The following ZNF208 variants were observed in gnomAD, a reference collection of about 807,000 sequenced individuals.
The protein encoded by ZNF208 is zinc finger protein 95.
ZNF208 carries 10 observed loss-of-function variants against 12.1 expected under a neutral mutation model. The observed-to-expected ratio is 0.83, with a 90% CI of 0.51 to 1.40. The LOEUF (loss-of-function observed/expected upper bound fraction) is 1.40, where lower values mean the gene tolerates loss of function less well. Ranked by LOEUF, ZNF208 falls within the 40% of genes most tolerant of loss-of-function variation. ZNF208 has a pLI of 0.00. For synonymous variants in ZNF208, 497 were observed against 488.4 expected (o/e 1.02, Z -0.23); for missense variants, 1,652 against 1,485.0 (o/e 1.11, Z -1.85).
intron 4 of ZNF208, among the ~76,000 whole-genome samples, chr19:21,955,438 C>G (rs1305977167): frequency 1.3e-5 from 2 of 152,230 alleles, no homozygotes; most frequent in African/African-American, 4.8e-5. Context: ...AACTTGGTTC[C>G]ATTCTCCCTG....
intron 4 of ZNF208, among the ~76,000 whole-genome samples, chr19:21,956,300 A>AGGCAGTCT (rs1353099348): frequency 6.9e-6 from 1 of 144,388 alleles, no homozygotes; most frequent in Non-Finnish European, 1.5e-5. Flanking sequence ...CCAATTGAGG[A>AGGCAGTCT]GGCAGTCTGT....
chr19:21,943,336 T>C (rs2017521), intron 4 of ZNF208, among the ~76,000 whole-genome samples: 118,509 of 152,134 alleles, frequency 0.78, 46,902 homozygotes, highest in African/African-American at 0.92. Flanking sequence ...AAAAATACAC[T>C]GAACAACAAC....
chr19:21,970,720 T>C lies in ZNF208; in HGVS notation c.*471A>G, dbSNP rs751942588. The C allele has an allele frequency of 1.5e-5, 18 of 1,221,118 alleles. No individual in the cohort carries two copies. The highest frequency in any genetic ancestry group is 3.6e-5 in the South Asian group (3 of 82,834). 75.6% of individuals were successfully genotyped at this position (1,221,118 alleles called of 1,614,324 possible). ...TTTCTCTCCAGCATGAATTTTCTTA[T>C]GTGTAGGAGGGTTGGGAACTGTTTA... On this transcript the variant is annotated 3_prime_UTR_variant, in exon 4 of 4. Coordinates refer to ENST00000397126, the MANE Select transcript of ZNF208 (RefSeq NM_007153.3).
chr19:21,986,924 A>AAAAC (rs765262286), intron 3 of ZNF208: 2 of 416,138 alleles, frequency 4.8e-6, no homozygotes, highest in Non-Finnish European at 8.4e-6. Context: ...TGTGTCCACA[A>AAAAC]AAACAAACAA....
At chr19:21,984,728 A>G (rs969329192) in intron 3 of ZNF208, among the ~76,000 whole-genome samples, 3 of 152,180 alleles carry the variant, frequency 2.0e-5, no homozygotes, top group African/African-American at 4.8e-5. Flanking sequence ...TTTTGAAAAA[A>G]TAGAAACTGC....
rs115487529 is a variant in ZNF208 at position 21,949,779 on chromosome 19, G to C, written c.306-16542C>G. Among the ~76,000 whole-genome samples, 1,171 of 152,342 alleles carry C rather than the reference G, an allele frequency of 7.7e-3. 9 individuals are homozygous for C. The highest frequency in any genetic ancestry group is 0.026 in the African/African-American group (1,097 of 41,576). Reference sequence around the variant, plus strand: ...AGCAAGAAACTTGACTTGATGGCTAGAGGATGGCCAGCCTGCCTCTGAGCA... The same window carrying C: ...AGCAAGAAACTTGACTTGATGGCTACAGGATGGCCAGCCTGCCTCTGAGCA... On this transcript the variant is annotated intron_variant, in intron 4 of 4. Transcript: ENST00000599916.
rs556100510 is a variant in ZNF208, at chr19:21,968,464, T to A, written c.*2727A>T. 2 of 152,254 alleles carry A rather than the reference T, an allele frequency of 1.3e-5. No homozygotes were observed. Among genetic ancestry groups the A allele is most frequent in the African/African-American group, 4.8e-5 (2 of 41,570 alleles). The allele number at this position is 152,254 out of a possible 1,614,324, so 9.4% of individuals were successfully genotyped here. A position where few individuals can be genotyped will look rare whatever the true frequency, so the allele number is the denominator to read the frequency against. ...CCCCTACTGTTATTTTTTTTTCTTT[T>A]AATTATCTTTACATGGTGAATCACA... On this transcript the variant is annotated 3_prime_UTR_variant, in exon 4 of 4. Coordinates refer to ENST00000397126, the MANE Select transcript of ZNF208 (RefSeq NM_007153.3).
Position 21,967,445 on chromosome 19 carries a change from A to G in ZNF208, c.*3746T>C, listed in dbSNP as rs1253932042. ...GAACCATGTTATACTGGTTATTCTG[A>G]TGCAATCTTGGCTCACTGCAACCTC... On this transcript the variant is annotated 3_prime_UTR_variant, in exon 4 of 4. Transcript: ENST00000397126. 6.6e-6 allele frequency: 1 copy of G among 152,018 alleles called. No homozygotes were observed. Among genetic ancestry groups the G allele is most frequent in the African/African-American group, 2.4e-5 (1 of 41,382 alleles). The allele number at this position is 152,018 out of a possible 1,614,324, so 9.4% of individuals were successfully genotyped here.
intron 3 of ZNF208, among the ~76,000 whole-genome samples, chr19:21,986,523 C>T (rs1449074748): frequency 6.6e-6 from 1 of 151,956 alleles, no homozygotes; most frequent in Non-Finnish European, 1.5e-5. Context: ...AATTCAAATA[C>T]ATTTTATGCC....
At chr19:21,962,884 T>C (rs767531710), downstream of ZNF208, among the ~76,000 whole-genome samples, 6 of 152,102 alleles carry the variant, frequency 3.9e-5, no homozygotes, top group Non-Finnish European at 7.4e-5. Flanking sequence ...GAAAAAGGAA[T>C]ATTATCTGAA....
intron 4 of ZNF208, among the ~76,000 whole-genome samples, chr19:21,955,733 TC>T (rs1969963422): frequency 6.6e-6 from 1 of 152,206 alleles, no homozygotes; most frequent in Non-Finnish European, 1.5e-5. Context: ...ATTTGTCTAA[TC>T]TTTTTTCAAG....
At chr19:21,953,792 GATTA>G (rs1278910313) in intron 4 of ZNF208, among the ~76,000 whole-genome samples, 2 of 151,284 alleles carry the variant, frequency 1.3e-5, no homozygotes, top group Non-Finnish European at 3.0e-5. Context: ...ACAGCTCCTG[GATTA>G]ATTGATTTTT....
In ZNF208 at chr19:21,942,126, T is replaced by C. The variant is rs1969751399; in HGVS notation, c.306-8889A>G. ...GTAAAGAAATGAGTGGTTTGCCGTA[T>C]GATATGAATACAGGCATTCAATTAA... On this transcript the variant is annotated intron_variant, in intron 4 of 4. Coordinates refer to the ZNF208 transcript ENST00000599916. Among the ~76,000 whole-genome samples, 2 of 152,208 alleles carry C rather than the reference T, an allele frequency of 1.3e-5. 1 individual carries two copies. The highest frequency in any genetic ancestry group is 4.1e-4 in the South Asian group (2 of 4,836).
intron 1 of ZNF208, among the ~76,000 whole-genome samples, chr19:21,999,380 T>TA (rs1024355766): frequency 6.6e-6 from 1 of 152,176 alleles, no homozygotes; most frequent in Non-Finnish European, 1.5e-5. Context: ...GCAGGTTGTC[T>TA]ACAAACACTA....
chr19:21,992,581 G>A (rs1970760644), intron 1 of ZNF208, among the ~76,000 whole-genome samples: 1 of 152,136 alleles, frequency 6.6e-6, no homozygotes, highest in Non-Finnish European at 1.5e-5. Context: ...AACATTATAT[G>A]TTCTGTCTTC....
chr19:22,005,815 G>A (rs1971033712), intron 1 of ZNF208, among the ~76,000 whole-genome samples: 1 of 152,160 alleles, frequency 6.6e-6, no homozygotes, highest in African/African-American at 2.4e-5. Context: ...AAGAAAAGAG[G>A]TGGGAAAAGA....
intron 3 of ZNF208, among the ~76,000 whole-genome samples, chr19:21,983,928 C>G (rs2145562769): frequency 6.6e-6 from 1 of 152,050 alleles, no homozygotes. Flanking sequence ...GCAGCAAACC[C>G]CCATGGCACG....
chr19:21,973,795 A>C lies in ZNF208; in HGVS notation c.1239T>G (p.Thr413=), dbSNP rs777607163. The C allele has an allele frequency of 6.2e-7, 1 of 1,605,928 alleles. No individual in the cohort carries two copies. Among genetic ancestry groups the C allele is most frequent in the Non-Finnish European group, 8.5e-7 (1 of 1,173,712 alleles). Residue 413 remains threonine, a synonymous_variant, in exon 4 of 4, where the codon ACT becomes ACG. Coordinates refer to ENST00000397126, the MANE Select transcript of ZNF208 (RefSeq NM_007153.3). ...GKGFSMFSIL[T]KHEVIHTGEK... Reference sequence around the variant, plus strand: ...CTCCAGTATGAATGACCTCATGTTTAGTAAGGATTGAGAACATACTAAAAC... The same window carrying C: ...CTCCAGTATGAATGACCTCATGTTTCGTAAGGATTGAGAACATACTAAAAC...
At chr19:21,956,975 C>G (rs1031440149) in intron 4 of ZNF208, among the ~76,000 whole-genome samples, 3 of 152,068 alleles carry the variant, frequency 2.0e-5, no homozygotes, top group Non-Finnish European at 4.4e-5. Context: ...CTTCTATCAA[C>G]TAGTTATAAA....
Sources: allele counts gnomAD v4.1 joint callset (sites outside exome capture counted in the v4.1 genomes callset), GRCh38; gene constraint gnomAD v4.1.1; transcripts MANE v1.5; gene names NCBI Gene and HGNC (gene_info 2026-07-23, HGNC 2026-07-21).